ZNF254: variants seen among roughly 807,000 people sequenced by gnomAD.
ZNF254 encodes the protein CTD-2017D11.1.
In ZNF254, 10 loss-of-function variants were observed where a neutral mutation model predicts 12.4. That is an observed-to-expected ratio of 0.80 (90% CI 0.50 to 1.36). The LOEUF (loss-of-function observed/expected upper bound fraction) is 1.36. Among genes scored for constraint, ZNF254 ranks in the 40% most tolerant of loss-of-function variants. ZNF254 has a pLI of 0.00. For synonymous variants in ZNF254, 305 were observed against 253.4 expected (o/e 1.20, Z -1.93); for missense variants, 996 against 763.9 (o/e 1.30, Z -3.58).
At chr19:24,063,748 C>T (rs1289851283) in intron 2 of ZNF254, 1 of 151,398 alleles carries the variant, frequency 6.6e-6, no homozygotes, top group East Asian at 1.9e-4. Flanking sequence ...GAGATTATGA[C>T]ATGTGATTGT....
intron 2 of ZNF254, among the ~76,000 whole-genome samples, chr19:24,047,061 G>T (rs905984973): frequency 3.6e-4 from 54 of 151,766 alleles, no homozygotes; most frequent in Admixed American, 1.4e-3. Flanking sequence ...TAGAGACAGG[G>T]TTTTGCCATG....
rs1042315382 is a variant in ZNF254, at chr19:24,128,807, T to C, written c.*827T>C. ...TCAGAGTGCTGAGTATAGAAAATAATACAAACAGATTTGTCTAAACATTTG... is the reference window on the plus strand; with the variant it reads ...TCAGAGTGCTGAGTATAGAAAATAACACAAACAGATTTGTCTAAACATTTG... On this transcript the variant is annotated 3_prime_UTR_variant, in exon 4 of 4. Coordinates refer to ENST00000357002, the MANE Select transcript of ZNF254 (RefSeq NM_203282.4). The C allele has an allele frequency of 7.9e-5, 12 of 152,154 alleles. No individual in the cohort carries two copies. The highest frequency in any genetic ancestry group is 2.9e-4 in the African/African-American group (12 of 41,562). 9.4% of individuals were successfully genotyped at this position (152,154 alleles called of 1,614,324 possible). A position where few individuals can be genotyped will look rare whatever the true frequency, so the allele number is the denominator to read the frequency against.
Position 24,126,568 on chromosome 19 carries a change from T to C in ZNF254, c.568T>C (p.Leu190=), listed in dbSNP as rs1425432857. ...TTTCAAATGTAAAAAACGTGTCAAA[T>C]TATTTTGCATGCTTTCACATAAAAC... ...KSFKCKKRVK[L]FCMLSHKTQH... Residue 190 remains leucine, a synonymous_variant, in exon 4 of 4, where the codon TTA becomes CTA. Coordinates refer to ENST00000357002, the MANE Select transcript of ZNF254 (RefSeq NM_203282.4). 1.9e-6 allele frequency: 3 copies of C among 1,605,152 alleles called. No homozygotes were observed. Among genetic ancestry groups the C allele is most frequent in the South Asian group, 2.3e-5 (2 of 88,740 alleles).
chr19:24,126,967 A>C lies in ZNF254; in HGVS notation c.967A>C (p.Lys323Gln), dbSNP rs1380976531. 1 of 1,613,526 alleles carries C rather than the reference A, an allele frequency of 6.2e-7. No homozygotes were observed. The highest frequency in any genetic ancestry group is 8.5e-7 in the Non-Finnish European group (1 of 1,179,796). Residue 323 changes from lysine (K) to glutamine (Q), a missense_variant, in exon 4 of 4, where the codon AAG becomes CAG. Coordinates refer to ENST00000357002, the MANE Select transcript of ZNF254 (RefSeq NM_203282.4). ...AATTCATACTAGAAAGAAACCCTAC[A>C]AGTGTGAAGAATGTGGCAAAGCATT... is the stretch of plus-strand genomic sequence containing the variant. Reference protein sequence around the residue: ...KKIHTRKKPYKCEECGKAFIW... With the variant: ...KKIHTRKKPYQCEECGKAFIW...
At chr19:24,088,198 G>A (rs1339390211) in intron 1 of ZNF254, among the ~76,000 whole-genome samples, 4 of 152,048 alleles carry the variant, frequency 2.6e-5, no homozygotes, top group African/African-American at 4.8e-5. Context: ...GTGAGCCACC[G>A]TGCCCAGCCT....
In ZNF254 at chr19:24,051,525, G is replaced by A. The variant is rs995784220; in HGVS notation, c.-94+5246G>A. Among the ~76,000 whole-genome samples, 10 of 152,094 alleles carry A rather than the reference G, an allele frequency of 6.6e-5. 1 individual carries two copies. Among genetic ancestry groups the A allele is most frequent in the Admixed American group, 5.9e-4 (9 of 15,258 alleles). ...TGATATATTGCTGGGCCCAGAATCC[G>A]GGTGATGTGACTCTGCTGTTTCATC... On this transcript the variant is annotated intron_variant, in intron 2 of 4. Coordinates refer to the ZNF254 transcript ENST00000613065.
At position 24,127,658 on chromosome 19, in the gene ZNF254, A is replaced by G. The variant is rs758242861; in HGVS notation, c.1658A>G (p.Lys553Arg). ...EKPYKCEKCGKAFKQSSILTN... is the reference protein window; with the variant it reads ...EKPYKCEKCGRAFKQSSILTN... ...CCCTACAAATGTGAAAAATGTGGCA[A>G]AGCCTTTAAGCAGTCTTCAATCCTT... The change falls in exon 4 of 4, where the codon AAA (lysine) becomes AGA (arginine). Residue 553 changes from lysine to arginine, a missense_variant. Transcript: ENST00000357002. 23 of 1,613,422 alleles carry G rather than the reference A, an allele frequency of 1.4e-5. No homozygotes were observed. The East Asian group carries it at 4.0e-4, about 28-fold the overall frequency.
intron 3 of ZNF254, among the ~76,000 whole-genome samples, chr19:24,110,521 G>C (rs2145846029): frequency 6.6e-6 from 1 of 151,882 alleles, no homozygotes; most frequent in Admixed American, 6.6e-5. Flanking sequence ...AGCCATAATT[G>C]TGCCATTGCG....
Position 24,127,700 on chromosome 19 carries a change from T to C in ZNF254, c.1700T>C (p.Ile567Thr), listed in dbSNP as rs974112463. 1 of 1,613,246 alleles carries C rather than the reference T, an allele frequency of 6.2e-7. No individual in the cohort carries two copies. The highest frequency in any genetic ancestry group is 8.5e-7 in the Non-Finnish European group (1 of 1,179,736). The change falls in exon 4 of 4, where the codon ATT (isoleucine) becomes ACT (threonine). Residue 567 changes from isoleucine (I) to threonine (T), a missense_variant. Ile to Thr is a moderately conservative substitution (Grantham distance 89). Transcript: ENST00000357002. Reference protein sequence around the residue: ...QSSILTNHKRIHTGEKPYKCE... With the variant: ...QSSILTNHKRTHTGEKPYKCE... Reference sequence around the variant, plus strand: ...TCAATCCTTACTAACCATAAGAGAATTCATACTGGAGAGAAACCCTATAAA... The same window carrying C: ...TCAATCCTTACTAACCATAAGAGAACTCATACTGGAGAGAAACCCTATAAA...
At chr19:24,104,330 G>GGT (rs1368274906) in intron 1 of ZNF254, 2 of 152,150 alleles carry the variant, frequency 1.3e-5, no homozygotes, top group Non-Finnish European at 2.9e-5. Context: ...GGTAACAGGT[G>GGT]AACATGTGCT....
At chr19:24,124,914 A>G (rs771898811) in intron 3 of ZNF254, among the ~76,000 whole-genome samples, 3 of 151,920 alleles carry the variant, frequency 2.0e-5, no homozygotes, top group Admixed American at 6.6e-5. Flanking sequence ...CCTCCTGAGT[A>G]GCTGGGATTA....
chr19:24,117,213 T>G (rs1305658622), intron 3 of ZNF254, among the ~76,000 whole-genome samples: 1 of 152,270 alleles, frequency 6.6e-6, no homozygotes, highest in Admixed American at 6.5e-5. Flanking sequence ...GGAGAACCAC[T>G]GCTCTCTTCA....
At chr19:24,047,615 T>TG (rs10688378) in intron 2 of ZNF254, among the ~76,000 whole-genome samples, 1 of 134,892 alleles carries the variant, frequency 7.4e-6, no homozygotes, top group Non-Finnish European at 1.6e-5. Context: ...TTTTTTTTTT[T>TG]GCTCTCTCTC....
At chr19:24,119,213 A>G (rs895911579) in intron 3 of ZNF254, among the ~76,000 whole-genome samples, 5 of 151,828 alleles carry the variant, frequency 3.3e-5, no homozygotes, top group African/African-American at 1.2e-4. Flanking sequence ...TTTTTTTGAG[A>G]TGAAGTCTCA....
Position 24,128,072 on chromosome 19 carries a change from A to G in ZNF254, c.*92A>G, listed in dbSNP as rs1975026203. On this transcript the variant is annotated 3_prime_UTR_variant, in exon 4 of 4. Transcript: ENST00000357002. ...AAACTACAAACCTGAGAGAGGCGCT[A>G]ATGCTTTTGACAGTACCTAAAACTT... 1 of 1,315,406 alleles carries G rather than the reference A, an allele frequency of 7.6e-7. No individual in the cohort carries two copies. Among genetic ancestry groups the G allele is most frequent in the Non-Finnish European group, 1.0e-6 (1 of 996,162 alleles). 81.5% of individuals were successfully genotyped at this position (1,315,406 alleles called of 1,614,324 possible).
intron 3 of ZNF254, among the ~76,000 whole-genome samples, chr19:24,125,326 T>G (rs1974760158): frequency 6.6e-6 from 1 of 151,864 alleles, no homozygotes; most frequent in Non-Finnish European, 1.5e-5. Context: ...CTTGTCCTCA[T>G]TTTTCTGATT....
chr19:24,067,023 A>G (rs773145369), intron 2 of ZNF254: 6 of 152,158 alleles, frequency 3.9e-5, no homozygotes, highest in Non-Finnish European at 7.3e-5. Context: ...TTCACAGCGT[A>G]TAGCTAATTT....
At chr19:24,048,477 G>A (rs1444014184) in intron 2 of ZNF254, among the ~76,000 whole-genome samples, 1 of 152,186 alleles carries the variant, frequency 6.6e-6, no homozygotes, top group Non-Finnish European at 1.5e-5. Context: ...GGACCAGATG[G>A]TTCTCGCCAG....
At chr19:24,055,205 C>CT in intron 2 of ZNF254, among the ~76,000 whole-genome samples, 1 of 28,314 alleles carries the variant, frequency 3.5e-5, no homozygotes, top group Non-Finnish European at 5.4e-5. Context: ...TCTGTCTCAC[C>CT]AAAAAAAAAA....
Sources: gnomAD v4.1 joint callset for allele counts (sites outside exome capture counted in the v4.1 genomes callset) on GRCh38, gnomAD v4.1.1 for gene constraint, MANE v1.5 for transcripts, NCBI Gene and HGNC (gene_info 2026-07-23, HGNC 2026-07-21) for gene names.